PSMD11: variants seen among roughly 807,000 people sequenced by gnomAD.
PSMD11 encodes proteasome 26S subunit, non-ATPase 11.
A neutral mutation model predicts 62.3 loss-of-function variants in PSMD11; 5 were observed. The ratio of observed to expected loss-of-function variants is 0.08; its 90% CI spans 0.04 to 0.17. PSMD11 has a LOEUF of 0.17. Among genes scored for constraint, PSMD11 ranks in the 10% least tolerant of loss-of-function variants. The pLI is 1.00. For missense variants in PSMD11, 310 were observed against 512.9 expected, an observed-to-expected ratio of 0.60 and a Z score of 3.82; for synonymous variants, 191 against 191.8, an observed-to-expected ratio of 1.00 and a Z score of 0.03.
intron 7 of PSMD11, 70 bp downstream of exon 7, chr17:32,474,015 T>A (rs1281693126): frequency 1.3e-6 from 2 of 1,572,032 alleles, no homozygotes; most frequent in East Asian, 2.2e-5. Context: ...ATGGCAGAGA[T>A]GGCCTGAGCA....
At chr17:32,461,527 C>T (rs1012907096) in intron 3 of PSMD11, among the ~76,000 whole-genome samples, 2 of 148,810 alleles carry the variant, frequency 1.3e-5, no homozygotes, top group East Asian at 2.0e-4. Context: ...CCTGAGATTG[C>T]GCCATTGCAC....
intron 6 of PSMD11, among the ~76,000 whole-genome samples, chr17:32,473,416 A>G (rs1908229312): frequency 6.6e-6 from 1 of 151,912 alleles, no homozygotes; most frequent in Non-Finnish European, 1.5e-5. Flanking sequence ...AGCAGGGATT[A>G]CAGGCATGCG....
In PSMD11 at chr17:32,472,083, G is replaced by A. The variant is rs191012204; in HGVS notation, c.644-1718G>A. On this transcript the variant is annotated intron_variant, in intron 6 of 13. Transcript: ENST00000261712. Reference sequence around the variant, plus strand: ...GGGTTTCACCCTGTTGCCTAGGCTGGTCTTGAGCTCCTAGGTTCAGGTGAT... The same window carrying A: ...GGGTTTCACCCTGTTGCCTAGGCTGATCTTGAGCTCCTAGGTTCAGGTGAT... Among the ~76,000 whole-genome samples the A allele has an allele frequency of 4.7e-4, 72 of 152,212 alleles. 1 individual carries two copies. Among genetic ancestry groups the A allele is most frequent in the African/African-American group, 1.4e-3 (60 of 41,510 alleles).
In PSMD11 at chr17:32,480,535, C is replaced by T. The variant is rs755566230; in HGVS notation, c.1173C>T (p.Pro391=). Residue 391 remains proline, a synonymous_variant, in exon 13 of 14, where the codon CCC becomes CCT. Transcript: ENST00000261712. Reference sequence around the variant, plus strand: ...GTGTCCTGATTATTTTCGATGAACCCCCAGTAGATAAAACTTACGAAGCTG... The same window carrying T: ...GTGTCCTGATTATTTTCGATGAACCTCCAGTAGATAAAACTTACGAAGCTG... ...GEGVLIIFDE[P]PVDKTYEAAL... is the part of the protein sequence containing the mutation. The T allele has an allele frequency of 6.2e-7, 1 of 1,614,068 alleles. No homozygotes were observed. The highest frequency in any genetic ancestry group is 1.1e-5 in the South Asian group (1 of 91,070).
chr17:32,453,862 CTT>C (rs1907573920), intron 2 of PSMD11, among the ~76,000 whole-genome samples: 1 of 152,086 alleles, frequency 6.6e-6, no homozygotes, highest in African/African-American at 2.4e-5. Flanking sequence ...TAGTTTAAGA[CTT>C]AGGTTTTGAA....
In PSMD11 at chr17:32,480,903, T is replaced by C. The variant is rs546397447; in HGVS notation, c.*151T>C. ...TTTGGTGCATCTGTATTCCAGCCAA[T>C]AGGTGTGCCAGTTTTCATGTAATCT... On this transcript the variant is annotated 3_prime_UTR_variant, in exon 14 of 14. Coordinates refer to ENST00000261712, the MANE Select transcript of PSMD11 (RefSeq NM_002815.4). The C allele has an allele frequency of 3.3e-5, 11 of 334,238 alleles. No homozygotes were observed. The highest frequency in any genetic ancestry group is 2.5e-4 in the East Asian group (5 of 20,320). 20.7% of individuals were successfully genotyped at this position (334,238 alleles called of 1,614,324 possible).
At position 32,469,607 on chromosome 17, in the gene PSMD11, A is replaced by G. The variant is rs548997546; in HGVS notation, c.643+414A>G. ...GGCTGAGGAATGATAACCCAATTTC[A>G]GCTGAGTGTGGTATGTAGTTTTCCG... On this transcript the variant is annotated intron_variant, in intron 6 of 13. Coordinates refer to ENST00000261712, the MANE Select transcript of PSMD11 (RefSeq NM_002815.4). Among the ~76,000 whole-genome samples, 82 of 152,300 alleles carry G rather than the reference A, an allele frequency of 5.4e-4. No homozygotes were observed. The South Asian group carries it at 8.9e-3, about 17-fold the overall frequency.
rs1908559357 is a variant in PSMD11 at position 32,483,209 on chromosome 17, G to C, written c.*2457G>C. ...TGTAAACACAAACCAGACTTCGAAG[G>C]CTTAGTATGATAACAAAAGAAAAGG... On this transcript the variant is annotated 3_prime_UTR_variant, in exon 14 of 14. Transcript: ENST00000261712. The C allele has an allele frequency of 6.6e-6, 1 of 152,146 alleles. No individual in the cohort carries two copies. Among genetic ancestry groups the C allele is most frequent in the South Asian group, 2.1e-4 (1 of 4,826 alleles). The allele number at this position is 152,146 out of a possible 1,614,324, so 9.4% of individuals were successfully genotyped here. A position where few individuals can be genotyped will look rare whatever the true frequency, so the allele number is the denominator to read the frequency against.
intron 10 of PSMD11, 66 bp downstream of exon 10, chr17:32,479,442 C>A: frequency 6.3e-7 from 1 of 1,582,024 alleles, no homozygotes. Flanking sequence ...CCCTTCCACA[C>A]CTGTCCAGAA....
At position 32,457,151 on chromosome 17, in the gene PSMD11, C is replaced by T. The variant is rs564775850; in HGVS notation, c.318+2532C>T. 1.7e-4 allele frequency among the ~76,000 whole-genome samples: 26 copies of T among 152,284 alleles called. No homozygotes were observed. The South Asian group carries it at 5.4e-3, about 32-fold the overall frequency. On this transcript the variant is annotated intron_variant, in intron 3 of 13. Transcript: ENST00000261712. ...CATTACATTTATATAAAGTAAAGAC[C>T]TTTCTTCCTTTCCTTAGGGTGAAAG...
At chr17:32,474,702 C>T (rs938045663) in intron 7 of PSMD11, 62 bp from the exon 8 acceptor site, 5 of 1,549,328 alleles carry the variant, frequency 3.2e-6, no homozygotes, top group African/African-American at 1.4e-5. Flanking sequence ...AGAAATTTGC[C>T]CAAACCTTCC....
At position 32,482,289 on chromosome 17, in the gene PSMD11, A is replaced by T. The variant is rs147178851; in HGVS notation, c.*1537A>T. ...CTGTTTTGGTTTTGGCACCATCAGT[A>T]TCAAATGTACAAACGGTTCTTGCTA... On this transcript the variant is annotated 3_prime_UTR_variant, in exon 14 of 14. Coordinates refer to ENST00000261712, the MANE Select transcript of PSMD11 (RefSeq NM_002815.4). 17 of 152,252 alleles carry T rather than the reference A, an allele frequency of 1.1e-4. No individual in the cohort carries two copies. The highest frequency in any genetic ancestry group is 3.4e-3 in the Middle Eastern group (1 of 294). The allele number at this position is 152,252 out of a possible 1,614,324, so 9.4% of individuals were successfully genotyped here. A position where few individuals can be genotyped will look rare whatever the true frequency, so the allele number is the denominator to read the frequency against.
chr17:32,478,085 A>G (rs745932870), intron 9 of PSMD11, among the ~76,000 whole-genome samples: 3 of 152,220 alleles, frequency 2.0e-5, no homozygotes, highest in Non-Finnish European at 2.9e-5. Context: ...CAGGGTGATG[A>G]TCTAGGCTTT....
At chr17:32,458,021 G>A (rs1405857733) in intron 3 of PSMD11, among the ~76,000 whole-genome samples, 1 of 152,038 alleles carries the variant, frequency 6.6e-6, no homozygotes, top group African/African-American at 2.4e-5. Context: ...GGCTGGTCTC[G>A]AACTCCTGAC....
At chr17:32,461,751 A>G (rs982560879) in intron 3 of PSMD11, among the ~76,000 whole-genome samples, 2 of 152,208 alleles carry the variant, frequency 1.3e-5, no homozygotes, top group Non-Finnish European at 2.9e-5. Flanking sequence ...AGCAGCAGAT[A>G]TATGTGATAG....
At chr17:32,469,421 T>C (rs1160705891) in intron 6 of PSMD11, among the ~76,000 whole-genome samples, 1 of 152,186 alleles carries the variant, frequency 6.6e-6, no homozygotes, top group Middle Eastern at 3.2e-3. Context: ...ATCTGACTTT[T>C]AGAACCAAAC....
At chr17:32,471,865 A>G (rs1391950768) in intron 6 of PSMD11, among the ~76,000 whole-genome samples, 1 of 149,138 alleles carries the variant, frequency 6.7e-6, no homozygotes, top group African/African-American at 2.5e-5. Context: ...GACTATGGTG[A>G]CTTTGGGCAG....
rs1457737638 is a variant in PSMD11 at position 32,482,318 on chromosome 17, A to C, written c.*1566A>C. The C allele has an allele frequency of 6.6e-6, 1 of 152,106 alleles. No homozygotes were observed. Among genetic ancestry groups the C allele is most frequent in the Non-Finnish European group, 1.5e-5 (1 of 68,030 alleles). 9.4% of individuals were successfully genotyped at this position (152,106 alleles called of 1,614,324 possible). ...AATGTACAAACGGTTCTTGCTAACC[A>C]ACACCAGGTATATCTGATGTTCAGA... On this transcript the variant is annotated 3_prime_UTR_variant, in exon 14 of 14. Transcript: ENST00000261712.
intron 6 of PSMD11, among the ~76,000 whole-genome samples, chr17:32,470,543 T>TC (rs1265185375): frequency 6.6e-6 from 1 of 152,188 alleles, no homozygotes; most frequent in African/African-American, 2.4e-5. Context: ...CGCCTCTGCC[T>TC]CCCAAAGTGC....
Sources: allele counts gnomAD v4.1 joint callset (sites outside exome capture counted in the v4.1 genomes callset), GRCh38; gene constraint gnomAD v4.1.1; transcripts MANE v1.5; gene names NCBI Gene and HGNC (gene_info 2026-07-23, HGNC 2026-07-21).